The following TCEANC2 variants were observed in gnomAD, a reference collection of about 807,000 sequenced individuals.
TCEANC2 encodes transcription elongation factor A N-terminal and central domain-containing protein 2.
Under a neutral mutation model 22.8 loss-of-function variants are expected in TCEANC2, and 20 were observed. The ratio of observed to expected loss-of-function variants is 0.88; its 90% CI spans 0.62 to 1.28. TCEANC2 has a LOEUF of 1.28. Among genes scored for constraint, TCEANC2 ranks in the 50% most tolerant of loss-of-function variants. The pLI, the probability that TCEANC2 is intolerant of heterozygous loss-of-function variation, is 0.00. For missense variants in TCEANC2, 251 were observed against 249.7 expected (o/e 1.01, Z -0.03); for synonymous variants, 84 against 95.5 (o/e 0.88, Z 0.70).
intron 4 of TCEANC2, among the ~76,000 whole-genome samples, chr1:54,089,304 T>C (rs534196809): frequency 1.3e-5 from 2 of 152,334 alleles, no homozygotes; most frequent in Non-Finnish European, 2.9e-5. Context: ...TGTTATGGAA[T>C]ATCAATGGTA....
intron 2 of TCEANC2, among the ~76,000 whole-genome samples, chr1:54,059,032 T>A (rs926186931): frequency 6.6e-6 from 1 of 152,188 alleles, no homozygotes; most frequent in African/African-American, 2.4e-5. Flanking sequence ...CCCTTTTCCT[T>A]GAAAGCCCTT....
chr1:54,060,439 T>G (rs955939964), intron 2 of TCEANC2, among the ~76,000 whole-genome samples: 1 of 147,982 alleles, frequency 6.8e-6, no homozygotes, highest in Non-Finnish European at 1.5e-5. Context: ...CGTGGTGGCA[T>G]GCGCCTATGG....
rs1255904888 is a variant in TCEANC2, at chr1:54,096,494, T to C, written c.*21T>C. On this transcript the variant is annotated 3_prime_UTR_variant, in exon 5 of 5. Transcript: ENST00000234827. This position sits in a 1 kb window ranked among gnomAD's most constrained non-coding sequence, Gnocchi z 4.9. ...AGTGACCTGAGGACGGTTCCAGCCC[T>C]GGGCCAGGCAGAGAGGAAAATGGGC... is the stretch of plus-strand genomic sequence containing the variant. 6.3e-7 allele frequency: 1 copy of C among 1,579,122 alleles called. No individual in the cohort carries two copies. The highest frequency in any genetic ancestry group is 2.3e-5 in the East Asian group (1 of 43,954).
intron 3 of TCEANC2, among the ~76,000 whole-genome samples, chr1:54,076,417 C>T (rs991099797): frequency 6.6e-6 from 1 of 152,200 alleles, no homozygotes; most frequent in Admixed American, 6.5e-5. Context: ...CATCCATGTT[C>T]CCACAAAGGA....
chr1:54,109,545 C>A (rs979472304), downstream of TCEANC2, among the ~76,000 whole-genome samples: 4 of 152,178 alleles, frequency 2.6e-5, no homozygotes, highest in African/African-American at 9.7e-5. Flanking sequence ...TGTTAACCAG[C>A]AAATATGGAG....
intron 1 of TCEANC2, 60 bp from the exon 2 acceptor site, chr1:54,054,321 G>A (rs1394084115): frequency 2.0e-6 from 3 of 1,532,892 alleles, no homozygotes; most frequent in Non-Finnish European, 1.8e-6. Context: ...GTTACTTTGG[G>A]GAAAAAATAT....
intron 2 of TCEANC2, among the ~76,000 whole-genome samples, chr1:54,061,663 T>C (rs1190453701): frequency 6.6e-6 from 1 of 152,166 alleles, no homozygotes; most frequent in Non-Finnish European, 1.5e-5. Flanking sequence ...GTAGCTTGCT[T>C]GAAGTCATGT....
intron 2 of TCEANC2, among the ~76,000 whole-genome samples, chr1:54,066,465 G>A (rs1057174967): frequency 6.6e-6 from 1 of 152,058 alleles, no homozygotes; most frequent in South Asian, 2.1e-4. Context: ...TATGTAAAGT[G>A]TAATGACCCA....
chr1:54,070,121 C>G (rs1187680918), intron 3 of TCEANC2, among the ~76,000 whole-genome samples: 1 of 152,144 alleles, frequency 6.6e-6, no homozygotes, highest in Non-Finnish European at 1.5e-5. Flanking sequence ...TAGAGTTGTA[C>G]CCCTGTAATA....
At chr1:54,082,855 T>C (rs993157189) in intron 3 of TCEANC2, among the ~76,000 whole-genome samples, 1 of 152,154 alleles carries the variant, frequency 6.6e-6, no homozygotes, top group Non-Finnish European at 1.5e-5. Context: ...TATGGTATGA[T>C]CAAATTGTGT....
At chr1:54,106,725 GA>G (rs542633771), downstream of TCEANC2, among the ~76,000 whole-genome samples, 3 of 150,698 alleles carry the variant, frequency 2.0e-5, no homozygotes, top group Admixed American at 6.6e-5. Context: ...TTATGTAAGG[GA>G]AAAAAACTAT....
chr1:54,096,610 C>T lies in TCEANC2; in HGVS notation c.*137C>T. 1 of 1,409,420 alleles carries T rather than the reference C, an allele frequency of 7.1e-7. No homozygotes were observed. The highest frequency in any genetic ancestry group is 1.6e-5 in the South Asian group (1 of 64,198). The allele number at this position is 1,409,420 out of a possible 1,614,324, so 87.3% of individuals were successfully genotyped here. On this transcript the variant is annotated 3_prime_UTR_variant, in exon 5 of 5. Transcript: ENST00000234827. The surrounding 1 kb of genome is among the most constrained non-coding windows in gnomAD (Gnocchi z 4.9). ...TCCCATGGTGCCGTTCCTTTGCAGA[C>T]AGAGGATTCGGAGAGCCCTAGGAGA...
At chr1:54,071,885 C>T (rs1032388519) in intron 3 of TCEANC2, among the ~76,000 whole-genome samples, 3 of 151,926 alleles carry the variant, frequency 2.0e-5, no homozygotes, top group Admixed American at 1.3e-4. Flanking sequence ...AATCACAGCT[C>T]ACCGCAGCCT....
intron 3 of TCEANC2, among the ~76,000 whole-genome samples, chr1:54,084,922 C>A (rs74466763): frequency 0.035 from 5,298 of 152,272 alleles, 117 homozygotes; most frequent in Middle Eastern, 0.054. Flanking sequence ...AGAACTCCAC[C>A]TAGAAAAGGA....
At chr1:54,085,285 C>T (rs1658317874) in intron 3 of TCEANC2, among the ~76,000 whole-genome samples, 1 of 152,182 alleles carries the variant, frequency 6.6e-6, no homozygotes, top group Admixed American at 6.5e-5. Context: ...CTAGAGCAAA[C>T]AGGCCTTCAA....
intron 2 of TCEANC2, among the ~76,000 whole-genome samples, chr1:54,064,806 TC>T (rs1399752251): frequency 6.6e-6 from 1 of 151,274 alleles, no homozygotes; most frequent in Non-Finnish European, 1.5e-5. Context: ...TTCAAATGAT[TC>T]TTGTGCCTCA....
At chr1:54,107,804 A>C (rs556283154), downstream of TCEANC2, among the ~76,000 whole-genome samples, 5 of 152,318 alleles carry the variant, frequency 3.3e-5, no homozygotes, top group African/African-American at 1.2e-4. Context: ...ACAGCTTTTC[A>C]TGTCTGCCTT....
chr1:54,056,963 A>C (rs562942636), intron 2 of TCEANC2, among the ~76,000 whole-genome samples: 112 of 151,696 alleles, frequency 7.4e-4, no homozygotes, highest in Middle Eastern at 3.4e-3. Flanking sequence ...GATTGCTTGA[A>C]CCTGGGAGCT....
At chr1:54,057,914 T>C (rs1403787845) in intron 2 of TCEANC2, among the ~76,000 whole-genome samples, 1 of 152,200 alleles carries the variant, frequency 6.6e-6, no homozygotes, top group Non-Finnish European at 1.5e-5. Flanking sequence ...CTGTCCTGTT[T>C]GCCTGGAATT....
Sources: gnomAD v4.1 joint callset for allele counts (sites outside exome capture counted in the v4.1 genomes callset) on GRCh38, gnomAD v4.1.1 for gene constraint, Gnocchi (gnomAD v3.1) non-coding constraint, MANE v1.5 for transcripts, NCBI Gene and HGNC (gene_info 2026-07-23, HGNC 2026-07-21) for gene names.